Variants in EHBP1 observed in about 807,000 individuals in gnomAD.
EHBP1 encodes EH domain-binding protein 1.
Under a neutral mutation model 144.0 loss-of-function variants are expected in EHBP1, and 55 were observed. That is an observed-to-expected ratio of 0.38 (90% CI 0.31 to 0.48). The LOEUF (loss-of-function observed/expected upper bound fraction) is 0.48, where lower values mean the gene tolerates loss of function less well. Among genes scored for constraint, EHBP1 ranks in the 20% least tolerant of loss-of-function variants. The pLI, the probability that EHBP1 is intolerant of heterozygous loss-of-function variation, is 0.98. For missense variants in EHBP1, 1,200 were observed against 1,364.2 expected (o/e 0.88, Z 1.90); for synonymous variants, 469 against 472.7 (o/e 0.99, Z 0.10).
intron 10 of EHBP1, among the ~76,000 whole-genome samples, chr2:62,935,344 A>AAAATATATATATATAT (rs1553479000): frequency 8.2e-6 from 1 of 121,488 alleles, no homozygotes; most frequent in East Asian, 2.2e-4. Context: ...AAAAAAAAAA[A>AAAATATATATATATAT]ATATATATAT....
At chr2:62,884,704 A>G (rs746924113) in intron 10 of EHBP1, among the ~76,000 whole-genome samples, 1 of 152,240 alleles carries the variant, frequency 6.6e-6, no homozygotes, top group Admixed American at 6.5e-5. Context: ...TTAAAAAATG[A>G]TAAATGGAAG....
intron 7 of EHBP1, among the ~76,000 whole-genome samples, chr2:62,840,814 G>T (rs1436899917): frequency 4.6e-5 from 7 of 151,974 alleles, no homozygotes; most frequent in Non-Finnish European, 7.4e-5. Flanking sequence ...CAGTTAGAAT[G>T]GCAATCATTA....
intron 12 of EHBP1, among the ~76,000 whole-genome samples, chr2:62,947,441 AT>A (rs2057129885): frequency 6.6e-6 from 1 of 152,180 alleles, no homozygotes; most frequent in Non-Finnish European, 1.5e-5. Context: ...AAGAGTAAAC[AT>A]TTTACATCCC....
chr2:62,830,960 C>A, intron 6 of EHBP1, 59 bp from the exon 7 acceptor site: 1 of 1,536,150 alleles, frequency 6.5e-7, no homozygotes, highest in South Asian at 1.2e-5. Flanking sequence ...TCTTAAGAAA[C>A]CATCATTTTT....
intron 3 of EHBP1, among the ~76,000 whole-genome samples, chr2:62,754,795 G>A (rs1253500761): frequency 6.6e-6 from 1 of 152,226 alleles, no homozygotes; most frequent in Non-Finnish European, 1.5e-5. Context: ...GCCAGGAGCG[G>A]GATATAATCT....
At chr2:62,914,743 C>T (rs1298343084) in intron 10 of EHBP1, among the ~76,000 whole-genome samples, 1 of 151,902 alleles carries the variant, frequency 6.6e-6, no homozygotes, top group East Asian at 1.9e-4. Context: ...TATACTTTAA[C>T]AGGGTGAATG....
intron 10 of EHBP1, among the ~76,000 whole-genome samples, chr2:62,897,172 G>T (rs370951727): frequency 6.6e-6 from 1 of 151,898 alleles, no homozygotes; most frequent in African/African-American, 2.4e-5. Flanking sequence ...ATGTTTATTC[G>T]TATTATTCCC....
intron 2 of EHBP1, among the ~76,000 whole-genome samples, chr2:62,718,843 A>G (rs1317575252): frequency 6.6e-6 from 1 of 152,198 alleles, no homozygotes; most frequent in East Asian, 1.9e-4. Flanking sequence ...AATGTGTTTT[A>G]GCTGTGCCAT....
At chr2:62,855,573 C>T (rs1422187845) in intron 7 of EHBP1, among the ~76,000 whole-genome samples, 4 of 152,124 alleles carry the variant, frequency 2.6e-5, no homozygotes, top group African/African-American at 9.7e-5. Flanking sequence ...GTGCTTTTTC[C>T]AGGCCGCCCA....
chr2:62,961,753 T>C (rs913547313), intron 14 of EHBP1, among the ~76,000 whole-genome samples: 3 of 152,174 alleles, frequency 2.0e-5, no homozygotes, highest in African/African-American at 7.2e-5. Flanking sequence ...TATGTACAAA[T>C]AGAATTTTAA....
At chr2:62,968,139 T>G (rs1412306611) in intron 14 of EHBP1, among the ~76,000 whole-genome samples, 1 of 152,170 alleles carries the variant, frequency 6.6e-6, no homozygotes, top group Non-Finnish European at 1.5e-5. Context: ...AGCAGTTTTT[T>G]TGGGTCTTAT....
chr2:63,027,881 G>A (rs1245517914), intron 19 of EHBP1, among the ~76,000 whole-genome samples: 5 of 152,152 alleles, frequency 3.3e-5, no homozygotes, highest in African/African-American at 4.8e-5. Context: ...GGAGGAATAC[G>A]TTCACCAAAT....
intron 15 of EHBP1, chr2:62,987,907 C>A: frequency 8.2e-7 from 1 of 1,213,966 alleles, no homozygotes; most frequent in Non-Finnish European, 1.2e-6. Context: ...AATATACTAA[C>A]ATTATTGCTA....
chr2:62,811,372 G>A (rs1442986844), intron 5 of EHBP1, among the ~76,000 whole-genome samples: 1 of 152,164 alleles, frequency 6.6e-6, no homozygotes, highest in Non-Finnish European at 1.5e-5. Context: ...TTTCAGCGTG[G>A]CCTGAGAAAT....
chr2:62,805,080 A>G (rs1173274528), intron 5 of EHBP1, among the ~76,000 whole-genome samples: 1 of 152,204 alleles, frequency 6.6e-6, no homozygotes, highest in East Asian at 1.9e-4. Flanking sequence ...TAAAGTATAC[A>G]TGTTTTGGAT....
chr2:62,874,372 CA>C lies in EHBP1; in HGVS notation c.1027del (p.Thr343LeufsTer8). The C allele has an allele frequency of 6.2e-7, 1 of 1,601,694 alleles. No individual in the cohort carries two copies. Among genetic ancestry groups the C allele is most frequent in the Non-Finnish European group, 8.5e-7 (1 of 1,174,862 alleles). On this transcript the variant is annotated frameshift_variant, in exon 10 of 23. Transcript: ENST00000431489. LOFTEE classifies it high-confidence loss of function. ...TCAAATCCTTTTTATGAACCTAAATCAACTCCTCCTCCAAATAATTTGGTAA... is the reference window on the plus strand; with the variant it reads ...TCAAATCCTTTTTATGAACCTAAATCACTCCTCCTCCAAATAATTTGGTAA... ...DESNPFYEPK[S>X]TPPPNNLVNP...
intron 10 of EHBP1, among the ~76,000 whole-genome samples, chr2:62,896,540 C>A (rs1377792441): frequency 1.1e-4 from 17 of 152,168 alleles, no homozygotes; most frequent in Non-Finnish European, 5.9e-5. Flanking sequence ...TAAGGACTCA[C>A]ACATCAATTT....
intron 10 of EHBP1, among the ~76,000 whole-genome samples, chr2:62,879,537 A>C (rs914439110): frequency 6.8e-6 from 1 of 147,052 alleles, no homozygotes; most frequent in Non-Finnish European, 1.5e-5. Flanking sequence ...ACACAGTCCT[A>C]TTCACAATAA....
chr2:62,813,465 A>T (rs2045193813), intron 5 of EHBP1, among the ~76,000 whole-genome samples: 1 of 152,210 alleles, frequency 6.6e-6, no homozygotes, highest in Non-Finnish European at 1.5e-5. Flanking sequence ...GAGCAAGGTT[A>T]CAGCAGAGAG....
Sources: gnomAD v4.1 joint callset for allele counts (sites outside exome capture counted in the v4.1 genomes callset) on GRCh38, gnomAD v4.1.1 for gene constraint, MANE v1.5 for transcripts, NCBI Gene and HGNC (gene_info 2026-07-23, HGNC 2026-07-21) for gene names.